DDHD2: variants seen among roughly 807,000 people sequenced by gnomAD.
DDHD2 encodes triacylglycerol hydrolase DDHD2.
In DDHD2, 62 loss-of-function variants were observed where a neutral mutation model predicts 91.2. The ratio of observed to expected loss-of-function variants is 0.68; its 90% CI spans 0.55 to 0.84. The LOEUF (loss-of-function observed/expected upper bound fraction) is 0.84. Ranked by LOEUF, DDHD2 falls within the 40% of genes least tolerant of loss-of-function variation. The pLI, the probability that DDHD2 is intolerant of heterozygous loss-of-function variation, is 0.00. For synonymous variants in DDHD2, 271 were observed against 293.9 expected (o/e 0.92, Z 0.80); for missense variants, 740 against 846.9 (o/e 0.87, Z 1.57).
chr8:38,237,192 A>G (rs1312010333), intron 3 of DDHD2, among the ~76,000 whole-genome samples: 1 of 151,942 alleles, frequency 6.6e-6, no homozygotes, highest in Non-Finnish European at 1.5e-5. Flanking sequence ...CCTAGCCATT[A>G]TGGCCAAACC....
rs1056868938 is a variant in DDHD2, at chr8:38,269,324, C to A, written n.88-1798C>A. On this transcript the variant is annotated intron_variant and non_coding_transcript_variant, in intron 1 of 1. Transcript: ENST00000526071. ...CTCCGGCGGCTCCCCAGGAAGACGGCCTGGCGGCTGTGCCGAGGGCATCGT... is the reference window on the plus strand; with the variant it reads ...CTCCGGCGGCTCCCCAGGAAGACGGACTGGCGGCTGTGCCGAGGGCATCGT... 1.5e-4 allele frequency: 160 copies of A among 1,041,768 alleles called. No homozygotes were observed. The Middle Eastern group carries it at 2.0e-3, about 13-fold the overall frequency. 64.5% of individuals were successfully genotyped at this position (1,041,768 alleles called of 1,614,324 possible). A position where few individuals can be genotyped will look rare whatever the true frequency, so the allele number is the denominator to read the frequency against.
At chr8:38,236,227 T>G (rs1585700299) in intron 3 of DDHD2, among the ~76,000 whole-genome samples, 1 of 151,526 alleles carries the variant, frequency 6.6e-6, no homozygotes, top group Non-Finnish European at 1.5e-5. Flanking sequence ...TTAGCCAGGA[T>G]GGTCTCAAGC....
downstream of DDHD2, chr8:38,266,531 G>A (rs2130926405): frequency 2.2e-6 from 1 of 462,968 alleles, no homozygotes; most frequent in East Asian, 4.2e-5. Context: ...CTCCCGAGTA[G>A]CTGGGACTCC....
At chr8:38,260,305 G>T (rs568938020) in intron 17 of DDHD2, 158 bp downstream of exon 17, 3 of 492,682 alleles carry the variant, frequency 6.1e-6, no homozygotes, top group Non-Finnish European at 1.1e-5. Context: ...GAAATTCATG[G>T]GGAAAAAAAC....
intron 16 of DDHD2, 39 bp downstream of exon 16, chr8:38,253,757 C>G: frequency 6.3e-7 from 1 of 1,592,030 alleles, no homozygotes; most frequent in Non-Finnish European, 8.6e-7. Flanking sequence ...GTTTGTTTAC[C>G]TGTTTCATAG....
chr8:38,238,075 C>T lies in DDHD2; in HGVS notation c.502-14C>T, dbSNP rs1246246848. The T allele has an allele frequency of 6.3e-7, 1 of 1,594,268 alleles. No individual in the cohort carries two copies. Among genetic ancestry groups the T allele is most frequent in the Non-Finnish European group, 8.5e-7 (1 of 1,173,648 alleles). On this transcript the variant is annotated splice_polypyrimidine_tract_variant and intron_variant, in intron 4 of 17. Coordinates refer to ENST00000397166, the MANE Select transcript of DDHD2 (RefSeq NM_015214.3). ...TGCAGAATATTTTTATTGCTCTGAT[C>T]TGTTCTGTTTAAGCTTATGGTGCAT...
chr8:38,244,774 C>T (rs1805496336), intron 7 of DDHD2, among the ~76,000 whole-genome samples: 1 of 146,984 alleles, frequency 6.8e-6, no homozygotes, highest in South Asian at 2.2e-4. Flanking sequence ...CTCTGTTGGA[C>T]AGACTGGTCT....
At chr8:38,258,170 A>G (rs1806679986) in intron 16 of DDHD2, among the ~76,000 whole-genome samples, 2 of 152,086 alleles carry the variant, frequency 1.3e-5, no homozygotes, top group African/African-American at 2.4e-5. Flanking sequence ...TTACATATAA[A>G]TCTTTGATTC....
exon 2 of DDHD2, chr8:38,271,159 A>G (rs1808461327): frequency 6.6e-6 from 1 of 152,224 alleles, no homozygotes; most frequent in African/African-American, 2.4e-5. Context: ...AATCTGAGCT[A>G]TCTACTGTGA....
At chr8:38,238,067 G>T in intron 4 of DDHD2, 22 bp from the exon 5 acceptor site, 1 of 1,582,152 alleles carries the variant, frequency 6.3e-7, no homozygotes, top group South Asian at 1.2e-5. Context: ...TATTTTTATT[G>T]CTCTGATCTG....
downstream of DDHD2, chr8:38,265,063 T>G: frequency 1.3e-6 from 1 of 761,508 alleles, no homozygotes; most frequent in Non-Finnish European, 2.3e-6. Flanking sequence ...GGTCAGGAGA[T>G]TGAGACCAGC....
Position 38,260,782 on chromosome 8 carries a change from G to C in DDHD2, c.*209G>C, listed in dbSNP as rs1264947424. Reference sequence around the variant, plus strand: ...AAGGCCCTATTACTTTTAACCACTGGCTTCATATAAACACTTGCCATTTTT... The same window carrying C: ...AAGGCCCTATTACTTTTAACCACTGCCTTCATATAAACACTTGCCATTTTT... On this transcript the variant is annotated 3_prime_UTR_variant, in exon 18 of 18. Transcript: ENST00000397166. 1 of 152,560 alleles carries C rather than the reference G, an allele frequency of 6.6e-6. No individual in the cohort carries two copies. The highest frequency in any genetic ancestry group is 1.5e-5 in the Non-Finnish European group (1 of 68,058). The allele number at this position is 152,560 out of a possible 1,614,324, so 9.5% of individuals were successfully genotyped here. A position where few individuals can be genotyped will look rare whatever the true frequency, so the allele number is the denominator to read the frequency against.
At chr8:38,232,588 A>G (rs908837293) in intron 1 of DDHD2, among the ~76,000 whole-genome samples, 2 of 152,260 alleles carry the variant, frequency 1.3e-5, no homozygotes, top group African/African-American at 4.8e-5. Context: ...CCTTGGCGTT[A>G]CTAGGACAGG....
chr8:38,258,241 A>T (rs549075712), intron 16 of DDHD2, among the ~76,000 whole-genome samples: 7 of 151,892 alleles, frequency 4.6e-5, no homozygotes, highest in Non-Finnish European at 1.0e-4. Flanking sequence ...ATTCTAAATT[A>T]AATTAATTAA....
At position 38,233,074 on chromosome 8, in the gene DDHD2, A is replaced by G. The variant is rs1804418283; in HGVS notation, c.80A>G (p.Glu27Gly). The stretch of plus-strand genomic sequence containing the variant: ...TCACCAAACTCATGTAGTTCCTTTG[A>G]GCTAATAGACATGGATGCTGGCAGC... Reference protein sequence around the residue: ...SPSPNSCSSFELIDMDAGSLY... With the variant: ...SPSPNSCSSFGLIDMDAGSLY... The change falls in exon 2 of 18, where the codon GAG becomes GGG. Residue 27 changes from glutamate (E) to glycine (G), a missense_variant. Transcript: ENST00000397166. The G allele has an allele frequency of 1.9e-6, 3 of 1,614,020 alleles. No individual in the cohort carries two copies. Among genetic ancestry groups the G allele is most frequent in the Non-Finnish European group, 2.5e-6 (3 of 1,180,028 alleles).
intron 7 of DDHD2, among the ~76,000 whole-genome samples, chr8:38,242,653 T>C (rs1010440304): frequency 6.6e-6 from 1 of 152,202 alleles, no homozygotes; most frequent in African/African-American, 2.4e-5. Context: ...ATTGCTATCT[T>C]CCCATAGTGT....
chr8:38,255,948 A>G (rs1806481442), intron 16 of DDHD2, among the ~76,000 whole-genome samples: 1 of 152,218 alleles, frequency 6.6e-6, no homozygotes, highest in Non-Finnish European at 1.5e-5. Flanking sequence ...TCCCAGCAAT[A>G]ATGTACGAAA....
At chr8:38,258,530 T>C (rs1806721396) in intron 16 of DDHD2, among the ~76,000 whole-genome samples, 2 of 152,202 alleles carry the variant, frequency 1.3e-5, no homozygotes, top group South Asian at 4.1e-4. Context: ...GGATTATAGG[T>C]GTGAGCCACC....
At chr8:38,244,154 G>A (rs1004394285) in intron 7 of DDHD2, among the ~76,000 whole-genome samples, 2 of 152,124 alleles carry the variant, frequency 1.3e-5, no homozygotes, top group Non-Finnish European at 2.9e-5. Flanking sequence ...TACCATGTTG[G>A]CCAAGCTGGT....
Sources: allele counts gnomAD v4.1 joint callset (sites outside exome capture counted in the v4.1 genomes callset), GRCh38; gene constraint gnomAD v4.1.1; transcripts MANE v1.5; gene names NCBI Gene and HGNC (gene_info 2026-07-23, HGNC 2026-07-21).